Variants in ZC3HC1 observed in about 807,000 individuals in gnomAD.
ZC3HC1 encodes zinc finger C3HC-type containing 1.
Under a neutral mutation model 61.9 loss-of-function variants are expected in ZC3HC1, and 38 were observed. The ratio of observed to expected loss-of-function variants is 0.61; its 90% CI spans 0.47 to 0.81. ZC3HC1 has a LOEUF of 0.81. Among genes scored for constraint, ZC3HC1 ranks in the 30% least tolerant of loss-of-function variants. ZC3HC1 has a pLI of 0.00. For synonymous variants in ZC3HC1, 213 were observed against 229.9 expected, an observed-to-expected ratio of 0.93 and a Z score of 0.67; for missense variants, 554 against 622.7, an observed-to-expected ratio of 0.89 and a Z score of 1.17.
intron 6 of ZC3HC1, 97 bp from the exon 7 acceptor site, chr7:130,024,603 TG>T: frequency 7.3e-7 from 1 of 1,371,390 alleles, no homozygotes; most frequent in African/African-American, 1.4e-5. Context: ...ATCCAATTTC[TG>T]GAACAGTCAC....
intron 2 of ZC3HC1, 66 bp downstream of exon 2, chr7:130,048,967 G>A (rs1050883811): frequency 2.0e-5 from 26 of 1,276,844 alleles, no homozygotes; most frequent in Non-Finnish European, 2.6e-5. Flanking sequence ...AGTAAGTGGT[G>A]TAATACCTTG....
intron 2 of ZC3HC1, among the ~76,000 whole-genome samples, chr7:130,048,617 A>C (rs935684368): frequency 4.6e-5 from 7 of 152,116 alleles, no homozygotes; most frequent in Non-Finnish European, 8.8e-5. Flanking sequence ...AATCTAAAAA[A>C]CATTAGATTA....
intron 2 of ZC3HC1, among the ~76,000 whole-genome samples, chr7:130,045,043 C>T (rs2116767517): frequency 6.6e-6 from 1 of 152,270 alleles, no homozygotes; most frequent in African/African-American, 2.4e-5. Context: ...GATACTTCAA[C>T]TATAAAGAAT....
intron 5 of ZC3HC1, among the ~76,000 whole-genome samples, chr7:130,028,506 C>T (rs1056784206): frequency 2.0e-5 from 3 of 152,064 alleles, no homozygotes; most frequent in Admixed American, 6.6e-5. Context: ...TACACTATTG[C>T]ACTCCAGCCT....
At chr7:130,050,458 G>A (rs1168010690) in intron 1 of ZC3HC1, 5 of 1,524,406 alleles carry the variant, frequency 3.3e-6, no homozygotes, top group African/African-American at 1.4e-5. Flanking sequence ...GACTCTCAGA[G>A]ATTCATAGAG....
intron 9 of ZC3HC1, 114 bp from the exon 10 acceptor site, chr7:130,018,846 G>T: frequency 1.1e-6 from 1 of 899,220 alleles, no homozygotes; most frequent in Non-Finnish European, 1.7e-6. Flanking sequence ...AATTCATTTT[G>T]TAGTATGCTA....
Position 130,040,865 on chromosome 7 carries a change from T to C in ZC3HC1, c.409+86A>G, listed in dbSNP as rs920419021. On this transcript the variant is annotated intron_variant, in intron 3 of 9. Coordinates refer to ENST00000358303, the MANE Select transcript of ZC3HC1 (RefSeq NM_016478.5). ...TGAAGTACGCATTTTTTGATCAAAC[T>C]AAAATGACCTTTTTTCCCCCCCCAG... 18 of 1,345,114 alleles carry C rather than the reference T, an allele frequency of 1.3e-5. No individual in the cohort carries two copies. The Admixed American group carries it at 4.6e-4, about 34-fold the overall frequency. The allele number at this position is 1,345,114 out of a possible 1,614,324, so 83.3% of individuals were successfully genotyped here.
chr7:130,031,784 C>G (rs560650537), intron 4 of ZC3HC1, among the ~76,000 whole-genome samples: 1 of 152,300 alleles, frequency 6.6e-6, no homozygotes, highest in Non-Finnish European at 1.5e-5. Flanking sequence ...TCTGCACAAG[C>G]AGGAAGTGAA....
At chr7:130,018,883 T>G in intron 9 of ZC3HC1, 151 bp from the exon 10 acceptor site, 1 of 613,542 alleles carries the variant, frequency 1.6e-6, no homozygotes, top group Non-Finnish European at 2.7e-6. Context: ...AAAGTCAGAC[T>G]AAAGATCGAG....
intron 1 of ZC3HC1, among the ~76,000 whole-genome samples, chr7:130,049,576 G>A (rs1267308870): frequency 1.3e-5 from 2 of 149,314 alleles, no homozygotes; most frequent in Admixed American, 6.7e-5. Flanking sequence ...ATGGAGTCTC[G>A]CTCTGTTGCC....
chr7:130,051,396 G>A (rs774318635), upstream of ZC3HC1: 33 of 1,612,524 alleles, frequency 2.0e-5, no homozygotes, highest in Middle Eastern at 5.0e-4. Context: ...GCTTCCCCGA[G>A]AGTTTGAAGG....
intron 2 of ZC3HC1, among the ~76,000 whole-genome samples, chr7:130,042,002 T>C (rs1794693920): frequency 1.3e-5 from 2 of 152,182 alleles, no homozygotes. Flanking sequence ...ATGTATTTTA[T>C]GTGTTTAAAA....
intron 9 of ZC3HC1, among the ~76,000 whole-genome samples, chr7:130,020,602 C>T (rs1040449952): frequency 6.6e-6 from 1 of 151,870 alleles, no homozygotes; most frequent in Non-Finnish European, 1.5e-5. Flanking sequence ...GGATCCTTTA[C>T]CACACAGTCT....
At position 130,023,612 on chromosome 7, in the gene ZC3HC1, C is replaced by G; in HGVS notation, c.1132G>C (p.Val378Leu). 6.2e-7 allele frequency: 1 copy of G among 1,614,152 alleles called. No individual in the cohort carries two copies. The highest frequency in any genetic ancestry group is 8.5e-7 in the Non-Finnish European group (1 of 1,180,032). ...AASPTTRTRPVTRSMGTGDTP... is the reference protein window; with the variant it reads ...AASPTTRTRPLTRSMGTGDTP... ...TCTCCTGTTCCCATGCTTCGGGTCA[C>G]TGGGCGAGTTCTGGTGGTGGGGCTA... The change falls in exon 8 of 10, where the codon GTG becomes CTG. Residue 378 changes from valine to leucine, a missense_variant. Val to Leu is a conservative substitution (Grantham distance 32). Transcript: ENST00000358303. The surrounding 1 kb of genome is among the most constrained non-coding windows in gnomAD (Gnocchi z 4.2).
In ZC3HC1 at chr7:130,018,524, C is replaced by A. The variant is rs959132088; in HGVS notation, c.*140G>T. On this transcript the variant is annotated 3_prime_UTR_variant, in exon 10 of 10. Transcript: ENST00000358303. ...AGATGCAGATAGTTGACACTCACTG[C>A]CTTTGCTATGGCAGGGGGCTCCTTA... is the stretch of plus-strand genomic sequence containing the variant. 4.0e-5 allele frequency: 27 copies of A among 676,262 alleles called. No individual in the cohort carries two copies. Among genetic ancestry groups the A allele is most frequent in the Non-Finnish European group, 6.8e-5 (26 of 384,260 alleles). 41.9% of individuals were successfully genotyped at this position (676,262 alleles called of 1,614,324 possible). A position where few individuals can be genotyped will look rare whatever the true frequency, so the allele number is the denominator to read the frequency against.
chr7:130,033,036 G>A (rs547807908), intron 4 of ZC3HC1, among the ~76,000 whole-genome samples: 1 of 152,226 alleles, frequency 6.6e-6, no homozygotes, highest in East Asian at 1.9e-4. Context: ...AAGAGTTCAA[G>A]GTCAGTCCGG....
chr7:130,039,116 G>A (rs1303122582), intron 4 of ZC3HC1, among the ~76,000 whole-genome samples: 4 of 151,924 alleles, frequency 2.6e-5, no homozygotes, highest in African/African-American at 4.8e-5. Context: ...AGGCCGAGAC[G>A]GGCGGATCAT....
chr7:130,033,377 G>A (rs1391689371), intron 4 of ZC3HC1, among the ~76,000 whole-genome samples: 1 of 151,654 alleles, frequency 6.6e-6, no homozygotes, highest in Admixed American at 6.6e-5. Context: ...TCACAAGTGG[G>A]GTAATGGATC....
intron 2 of ZC3HC1, among the ~76,000 whole-genome samples, chr7:130,048,154 T>G (rs1300386308): frequency 1.4e-5 from 2 of 145,282 alleles, no homozygotes; most frequent in African/African-American, 2.6e-5. Flanking sequence ...TTTTTTTTTT[T>G]TTTTTTTTTT....
Sources: allele counts gnomAD v4.1 joint callset (sites outside exome capture counted in the v4.1 genomes callset), GRCh38; gene constraint gnomAD v4.1.1; non-coding constraint Gnocchi (gnomAD v3.1); transcripts MANE v1.5; gene names NCBI Gene and HGNC (gene_info 2026-07-23, HGNC 2026-07-21).